Variants in CDH12 observed in about 807,000 individuals in gnomAD.
CDH12 encodes cadherin-12.
A neutral mutation model predicts 74.1 loss-of-function variants in CDH12; 41 were observed. The observed-to-expected ratio is 0.55, with a 90% CI of 0.43 to 0.72. The LOEUF (loss-of-function observed/expected upper bound fraction) is 0.72. CDH12 is among the 30% of genes least tolerant of loss of function. The probability of loss-of-function intolerance (pLI) is 0.00; values close to 1 mark genes in which losing one functional copy is unlikely to be tolerated. For synonymous variants in CDH12, 399 were observed against 355.0 expected (o/e 1.12, Z -1.39); for missense variants, 945 against 977.2 (o/e 0.97, Z 0.44).
intron 4 of CDH12, among the ~76,000 whole-genome samples, chr5:22,092,614 T>C (rs538395184): frequency 6.6e-6 from 1 of 152,242 alleles, no homozygotes; most frequent in Non-Finnish European, 1.5e-5. Context: ...AAGGAGGATG[T>C]GAAAAATCAG....
In CDH12 at chr5:22,779,865, A is replaced by G. The variant is rs574593424; in HGVS notation, c.-523+73193T>C. Among the ~76,000 whole-genome samples, 4 of 152,192 alleles carry G rather than the reference A, an allele frequency of 2.6e-5. No individual in the cohort carries two copies. In the East Asian group the frequency reaches 7.7e-4, roughly 29 times the overall value. ...GGCAGTTCTTTATAGCAGTGTGAGA[A>G]CCAACTAATACACTGGTAATTGGAA... On this transcript the variant is annotated intron_variant, in intron 1 of 14. Coordinates refer to ENST00000382254, the MANE Select transcript of CDH12 (RefSeq NM_004061.5).
rs927294367 is a variant in CDH12, at chr5:22,671,475, G to A, written c.-522-166111C>T. 1.8e-4 allele frequency among the ~76,000 whole-genome samples: 27 copies of A among 152,138 alleles called. 1 individual carries two copies. The highest frequency in any genetic ancestry group is 6.3e-4 in the African/African-American group (26 of 41,498). ...TAGGGTATTCTTTCTTGTGGGGATA[G>A]TCCTGCTTAGTGTAAAATATTTAGC... On this transcript the variant is annotated intron_variant, in intron 1 of 14. Transcript: ENST00000382254.
chr5:21,937,175 C>G (rs1479460776), intron 6 of CDH12, among the ~76,000 whole-genome samples: 1 of 152,052 alleles, frequency 6.6e-6, no homozygotes, highest in Non-Finnish European at 1.5e-5. Flanking sequence ...GATGATGGAA[C>G]AGGTACATAA....
intron 4 of CDH12, among the ~76,000 whole-genome samples, chr5:22,127,774 T>G (rs1334581016): frequency 6.6e-6 from 1 of 152,196 alleles, no homozygotes; most frequent in Admixed American, 6.5e-5. Flanking sequence ...TTGTAGGGTA[T>G]GCTATCATCA....
At position 22,747,350 on chromosome 5, in the gene CDH12, G is replaced by A. The variant is rs557077729; in HGVS notation, c.-523+105708C>T. ...ATTTATAAACAGTAAAAGACCAGGT[G>A]TAGTGGCTCACACCTGTAATCTGAG... On this transcript the variant is annotated intron_variant, in intron 1 of 14. Coordinates refer to ENST00000382254, the MANE Select transcript of CDH12 (RefSeq NM_004061.5). 1.3e-3 allele frequency among the ~76,000 whole-genome samples: 196 copies of A among 151,754 alleles called. 1 individual carries two copies. The highest frequency in any genetic ancestry group is 5.1e-3 in the Admixed American group (77 of 15,222).
chr5:22,512,770 A>G (rs1736664243), intron 1 of CDH12, among the ~76,000 whole-genome samples: 2 of 152,348 alleles, frequency 1.3e-5, no homozygotes, highest in East Asian at 1.9e-4. Flanking sequence ...ACTAACATCA[A>G]AAATAATCCC....
At chr5:22,307,273 C>A (rs1016137856) in intron 3 of CDH12, among the ~76,000 whole-genome samples, 16 of 152,168 alleles carry the variant, frequency 1.1e-4, no homozygotes, top group Non-Finnish European at 1.2e-4. Flanking sequence ...AGAGTAAAAT[C>A]TTCAGTCAAT....
At chr5:22,056,434 A>C (rs1284662744) in intron 5 of CDH12, among the ~76,000 whole-genome samples, 1 of 152,164 alleles carries the variant, frequency 6.6e-6, no homozygotes, top group East Asian at 1.9e-4. Context: ...TATTGTTCCA[A>C]ACACATGGAT....
chr5:22,219,147 A>G (rs1372227583), intron 3 of CDH12, among the ~76,000 whole-genome samples: 7 of 151,730 alleles, frequency 4.6e-5, no homozygotes, highest in African/African-American at 1.7e-4. Flanking sequence ...GTATGGAAAT[A>G]TTACTCTAGC....
At chr5:21,773,252 G>A (rs531693465) in intron 11 of CDH12, among the ~76,000 whole-genome samples, 2 of 152,210 alleles carry the variant, frequency 1.3e-5, no homozygotes, top group Admixed American at 6.5e-5. Flanking sequence ...TGGATTGAAG[G>A]ATTCAAAATA....
chr5:22,042,217 C>T (rs765323653), intron 5 of CDH12, among the ~76,000 whole-genome samples: 3 of 151,462 alleles, frequency 2.0e-5, no homozygotes, highest in Non-Finnish European at 4.4e-5. Context: ...AGAAATATCT[C>T]AAATAAACAA....
chr5:22,028,977 T>C (rs1190422638), intron 5 of CDH12, among the ~76,000 whole-genome samples: 2 of 152,172 alleles, frequency 1.3e-5, no homozygotes, highest in Non-Finnish European at 2.9e-5. Flanking sequence ...AGCGATCTGA[T>C]CTTTGACAAA....
intron 1 of CDH12, among the ~76,000 whole-genome samples, chr5:22,530,755 C>A (rs978376290): frequency 2.6e-5 from 4 of 151,902 alleles, no homozygotes; most frequent in Admixed American, 1.3e-4. Flanking sequence ...TAAATAACAC[C>A]ACTCAAACTT....
At chr5:22,757,788 C>T (rs999404062) in intron 1 of CDH12, among the ~76,000 whole-genome samples, 2 of 152,080 alleles carry the variant, frequency 1.3e-5, no homozygotes, top group Admixed American at 6.6e-5. Flanking sequence ...AAGAATTGGT[C>T]CCAAAAGAAA....
intron 1 of CDH12, among the ~76,000 whole-genome samples, chr5:22,624,607 G>A (rs556634123): frequency 1.6e-3 from 246 of 152,252 alleles, no homozygotes; most frequent in Non-Finnish European, 2.7e-3. Context: ...AAACCACAAC[G>A]AGATACCATC....
intron 4 of CDH12, among the ~76,000 whole-genome samples, chr5:22,121,926 T>C (rs749700595): frequency 1.1e-4 from 17 of 152,040 alleles, no homozygotes; most frequent in African/African-American, 4.1e-4. Flanking sequence ...TTTACTATAT[T>C]ACATATAGGT....
chr5:22,245,461 A>T (rs1752912220), intron 3 of CDH12, among the ~76,000 whole-genome samples: 1 of 152,178 alleles, frequency 6.6e-6, no homozygotes, highest in African/African-American at 2.4e-5. Flanking sequence ...ATTTAAAAAT[A>T]TAATCTTGGT....
chr5:22,531,051 T>C (rs567340117), intron 1 of CDH12, among the ~76,000 whole-genome samples: 101 of 152,176 alleles, frequency 6.6e-4, no homozygotes, highest in Non-Finnish European at 1.3e-3. Flanking sequence ...GTCTTTGCTA[T>C]GCATGATTTT....
At chr5:21,873,285 C>T (rs935881131) in intron 6 of CDH12, among the ~76,000 whole-genome samples, 5 of 152,238 alleles carry the variant, frequency 3.3e-5, no homozygotes, top group Non-Finnish European at 5.9e-5. Flanking sequence ...AAGCAACAAA[C>T]CCAAATTCTT....
Sources: gnomAD v4.1 joint callset for allele counts (sites outside exome capture counted in the v4.1 genomes callset) on GRCh38, gnomAD v4.1.1 for gene constraint, MANE v1.5 for transcripts, NCBI Gene and HGNC (gene_info 2026-07-23, HGNC 2026-07-21) for gene names.